Variants in CACNA2D3 observed in about 807,000 individuals in gnomAD.
CACNA2D3 encodes voltage-dependent calcium channel subunit alpha-2/delta-3.
In CACNA2D3, 60 loss-of-function variants were observed where a neutral mutation model predicts 160.6. That is an observed-to-expected ratio of 0.37 (90% CI 0.30 to 0.46). CACNA2D3 has a LOEUF of 0.46. Among genes scored for constraint, CACNA2D3 ranks in the 20% least tolerant of loss-of-function variants. The probability of loss-of-function intolerance (pLI) is 1.00; values close to 1 mark genes in which losing one functional copy is unlikely to be tolerated. For missense variants in CACNA2D3, 1,205 were observed against 1,365.0 expected (o/e 0.88, Z 1.85); for synonymous variants, 558 against 492.9 (o/e 1.13, Z -1.75).
At chr3:54,341,169 C>A (rs1021269407) in intron 3 of CACNA2D3, among the ~76,000 whole-genome samples, 2 of 152,204 alleles carry the variant, frequency 1.3e-5, no homozygotes, top group African/African-American at 4.8e-5. Context: ...AATACTTCTC[C>A]TATGTTGCTT....
rs1288273611 is a variant in CACNA2D3, at chr3:54,541,297, A to AAAAAGAAAAG, written c.545-21492_545-21483dup. 2.4e-4 allele frequency among the ~76,000 whole-genome samples: 31 copies of AAAAAGAAAAG among 127,278 alleles called. No individual in the cohort carries two copies. The East Asian group carries it at 3.1e-3, about 13-fold the overall frequency. 83.5% of individuals were successfully genotyped at this position (127,278 alleles called of 152,430 possible). A position where few individuals can be genotyped will look rare whatever the true frequency, so the allele number is the denominator to read the frequency against. On this transcript the variant is annotated intron_variant, in intron 5 of 37. Coordinates refer to ENST00000474759, the MANE Select transcript of CACNA2D3 (RefSeq NM_018398.3). ...GTCTCAGAAAAAAAAAAAAAAAAAAAAAAAGAAAAGAAAAGAAAAGGAGAA... is the reference window on the plus strand; with the variant it reads ...GTCTCAGAAAAAAAAAAAAAAAAAAAAAAAGAAAAGAAAAGAAAAGAAAAGAAAAGGAGAA...
At chr3:54,529,249 C>T (rs930462642) in intron 5 of CACNA2D3, among the ~76,000 whole-genome samples, 5 of 152,144 alleles carry the variant, frequency 3.3e-5, no homozygotes, top group Admixed American at 6.6e-5. Context: ...TATGCATACC[C>T]GTTTCTTAAC....
At chr3:54,385,121 T>C (rs930419427) in intron 3 of CACNA2D3, among the ~76,000 whole-genome samples, 1 of 152,202 alleles carries the variant, frequency 6.6e-6, no homozygotes, top group Non-Finnish European at 1.5e-5. Flanking sequence ...ATGGTATTTT[T>C]AGCCAGTGGT....
intron 2 of CACNA2D3, among the ~76,000 whole-genome samples, chr3:54,158,175 G>C (rs985315202): frequency 2.0e-5 from 3 of 152,174 alleles, no homozygotes; most frequent in Non-Finnish European, 2.9e-5. Flanking sequence ...CTGTATTTCT[G>C]TGGCATTTTA....
intron 27 of CACNA2D3, among the ~76,000 whole-genome samples, chr3:54,952,454 T>G (rs1701781227): frequency 6.6e-6 from 1 of 152,194 alleles, no homozygotes; most frequent in Non-Finnish European, 1.5e-5. Flanking sequence ...GACAGATCAG[T>G]TCACAGATGT....
chr3:54,256,809 G>T (rs1391707189), intron 2 of CACNA2D3, among the ~76,000 whole-genome samples: 3 of 149,932 alleles, frequency 2.0e-5, no homozygotes, highest in Non-Finnish European at 1.5e-5. Context: ...AAAATGAGCT[G>T]TCTTCTTTCC....
chr3:54,747,489 C>T (rs1701773989), intron 11 of CACNA2D3, among the ~76,000 whole-genome samples: 1 of 152,124 alleles, frequency 6.6e-6, no homozygotes, highest in African/African-American at 2.4e-5. Context: ...GTTGAGTGCA[C>T]TGTTCATGGC....
intron 5 of CACNA2D3, among the ~76,000 whole-genome samples, chr3:54,509,750 A>G (rs1701430590): frequency 6.6e-6 from 1 of 152,218 alleles, no homozygotes; most frequent in Non-Finnish European, 1.5e-5. Context: ...GTAACTCCAC[A>G]GCTGTCATCC....
chr3:54,689,414 C>G (rs549619949), intron 11 of CACNA2D3, among the ~76,000 whole-genome samples: 1 of 152,190 alleles, frequency 6.6e-6, no homozygotes, highest in Non-Finnish European at 1.5e-5. Flanking sequence ...GTTGACAGCC[C>G]CCAGATGTGT....
rs140867858 is a variant in CACNA2D3, at chr3:54,774,812, T to C, written c.1380+10461T>C. On this transcript the variant is annotated intron_variant, in intron 13 of 37. Coordinates refer to ENST00000474759, the MANE Select transcript of CACNA2D3 (RefSeq NM_018398.3). ...ACCACACCTGGCTAACTTTTTGTAT[T>C]TTTAGTAGAGACAGGGTTTCACCAT... Among the ~76,000 whole-genome samples the C allele has an allele frequency of 9.4e-3, 1,425 of 151,728 alleles. 27 individuals carry two copies. Among genetic ancestry groups the C allele is most frequent in the African/African-American group, 0.032 (1,324 of 41,340 alleles).
intron 4 of CACNA2D3, among the ~76,000 whole-genome samples, chr3:54,455,630 T>G (rs1364083917): frequency 6.6e-6 from 1 of 152,162 alleles, no homozygotes; most frequent in African/African-American, 2.4e-5. Context: ...TTTAAGGTCT[T>G]TGCCATAAAA....
intron 11 of CACNA2D3, among the ~76,000 whole-genome samples, chr3:54,730,808 A>G (rs963747983): frequency 1.3e-5 from 2 of 152,208 alleles, no homozygotes; most frequent in African/African-American, 4.8e-5. Flanking sequence ...CGCCCGAAAC[A>G]GAATTATTTA....
intron 2 of CACNA2D3, among the ~76,000 whole-genome samples, chr3:54,229,215 G>A (rs1329745975): frequency 6.7e-6 from 1 of 150,056 alleles, no homozygotes; most frequent in Admixed American, 6.6e-5. Flanking sequence ...TTTTTGAGAC[G>A]GAGTCTCGCT....
At chr3:54,646,136 T>TCCC (rs1699635045) in intron 11 of CACNA2D3, among the ~76,000 whole-genome samples, 1 of 25,836 alleles carries the variant, frequency 3.9e-5, no homozygotes, top group African/African-American at 7.4e-5. Flanking sequence ...TCTTCCTTCC[T>TCCC]TCCTTCCTTC....
At chr3:54,316,319 A>G (rs1703862407) in intron 2 of CACNA2D3, among the ~76,000 whole-genome samples, 1 of 152,172 alleles carries the variant, frequency 6.6e-6, no homozygotes, top group Non-Finnish European at 1.5e-5. Flanking sequence ...TTAAGTTACT[A>G]AGGGCTTTTG....
intron 16 of CACNA2D3, among the ~76,000 whole-genome samples, chr3:54,840,987 G>T (rs537065374): frequency 6.6e-5 from 10 of 152,148 alleles, no homozygotes; most frequent in Non-Finnish European, 1.3e-4. Flanking sequence ...CTCCCAAAGT[G>T]CTGGGATTAC....
chr3:54,865,941 A>G (rs62254527), intron 17 of CACNA2D3, among the ~76,000 whole-genome samples: 39,570 of 151,950 alleles, frequency 0.26, 5,946 homozygotes, highest in Non-Finnish European at 0.35. Context: ...TGAGGCACAG[A>G]GACGTGCACA....
intron 2 of CACNA2D3, among the ~76,000 whole-genome samples, chr3:54,231,843 C>T (rs1701775472): frequency 6.8e-6 from 1 of 146,898 alleles, no homozygotes; most frequent in Non-Finnish European, 1.5e-5. Flanking sequence ...CCAGCAGGTG[C>T]ATGGTGAATG....
intron 5 of CACNA2D3, among the ~76,000 whole-genome samples, chr3:54,540,467 A>G (rs1701954483): frequency 6.6e-6 from 1 of 152,200 alleles, no homozygotes; most frequent in Non-Finnish European, 1.5e-5. Context: ...AAATAAAATA[A>G]TCATTTTCAT....
Sources: allele counts gnomAD v4.1 joint callset (sites outside exome capture counted in the v4.1 genomes callset), GRCh38; gene constraint gnomAD v4.1.1; transcripts MANE v1.5; gene names NCBI Gene and HGNC (gene_info 2026-07-23, HGNC 2026-07-21).